ADGRL4: variants seen among roughly 807,000 people sequenced by gnomAD.
ADGRL4 encodes the protein adhesion G protein-coupled receptor L4.
Under a neutral mutation model 74.8 loss-of-function variants are expected in ADGRL4, and 90 were observed. The observed-to-expected ratio is 1.20, with a 90% CI of 1.02 to 1.43. The LOEUF (loss-of-function observed/expected upper bound fraction) is 1.43, where lower values mean the gene tolerates loss of function less well. ADGRL4 is among the 40% of genes most tolerant of loss of function. The pLI is 0.00. For missense variants in ADGRL4, 881 were observed against 814.3 expected (o/e 1.08, Z -1.00); for synonymous variants, 311 against 279.2 (o/e 1.11, Z -1.14).
chr1:78,900,124 A>T (rs1212016475), intron 12 of ADGRL4, among the ~76,000 whole-genome samples: 1 of 152,116 alleles, frequency 6.6e-6, no homozygotes, highest in African/African-American at 2.4e-5. Context: ...GGCTTTGAAG[A>T]TGAATGAGAT....
intron 12 of ADGRL4, 126 bp downstream of exon 12, chr1:78,917,508 G>C: frequency 2.0e-6 from 1 of 492,918 alleles, no homozygotes; most frequent in Non-Finnish European, 3.6e-6. Flanking sequence ...GTAAAATGCT[G>C]ATAAGTGATA....
intron 12 of ADGRL4, among the ~76,000 whole-genome samples, chr1:78,900,810 G>C (rs552149490): frequency 6.6e-4 from 101 of 152,024 alleles, no homozygotes; most frequent in African/African-American, 2.4e-3. Context: ...TAAATTACCC[G>C]GTCTCAGGCA....
At chr1:79,005,737 ATTGT>A (rs1236297651) in intron 1 of ADGRL4, among the ~76,000 whole-genome samples, 2 of 152,128 alleles carry the variant, frequency 1.3e-5, no homozygotes, top group Non-Finnish European at 2.9e-5. Context: ...TGTTCTAATG[ATTGT>A]TTTCAATTTC....
rs1968956 is a variant in ADGRL4 at position 78,893,142 on chromosome 1, G to T, written c.1797C>A (p.His599Gln). Residue 599 changes from histidine to glutamine, a missense_variant, in exon 13 of 15, where the codon CAC becomes CAA. Coordinates refer to ENST00000370742, the MANE Select transcript of ADGRL4 (RefSeq NM_022159.4). ...FGVIIYKVFR[H>Q]TAGLKPEVSC... ...TAACTTCTGGTTTCAACCCTGCAGT[G>T]TGACGAAAAACTTTGTATATGATGA... 53,075 of 1,602,552 alleles carry T rather than the reference G, an allele frequency of 0.033. 1,031 individuals are homozygous for T. Among genetic ancestry groups the T allele is most frequent in the Non-Finnish European group, 0.039 (45,809 of 1,175,000 alleles).
At chr1:78,967,642 G>T (rs562992942) in intron 2 of ADGRL4, among the ~76,000 whole-genome samples, 1 of 152,278 alleles carries the variant, frequency 6.6e-6, no homozygotes, top group Non-Finnish European at 1.5e-5. Flanking sequence ...AATTAATCTT[G>T]TGGAAGAGGT....
Position 78,920,369 on chromosome 1 carries a change from A to G in ADGRL4, c.1275T>C (p.Asn425=), listed in dbSNP as rs1405198494. 1 of 1,588,112 alleles carries G rather than the reference A, an allele frequency of 6.3e-7. No individual in the cohort carries two copies. Among genetic ancestry groups the G allele is most frequent in the African/African-American group, 1.3e-5 (1 of 74,226 alleles). Residue 425 remains asparagine (N), a synonymous_variant, in exon 10 of 15, where the codon AAT becomes AAC. Coordinates refer to ENST00000370742, the MANE Select transcript of ADGRL4 (RefSeq NM_022159.4). ...CTAGTTGAGTGATCCTTGTAAGAAT[A>G]TTATAATCTTTAATACCCTAAGGGA... ...SGPSIGIKDY[N]ILTRITQLGI... is the part of the protein sequence containing the mutation.
At chr1:78,947,490 C>T (rs908036159) in intron 2 of ADGRL4, among the ~76,000 whole-genome samples, 1 of 152,146 alleles carries the variant, frequency 6.6e-6, no homozygotes, top group Non-Finnish European at 1.5e-5. Flanking sequence ...GACGTTTTCA[C>T]GTTTTTGAAG....
At position 78,938,193 on chromosome 1, in the gene ADGRL4, T is replaced by C. The variant is rs760063829; in HGVS notation, c.483A>G (p.Thr161=). 3 of 1,611,664 alleles carry C rather than the reference T, an allele frequency of 1.9e-6. No homozygotes were observed. The highest frequency in any genetic ancestry group is 2.5e-6 in the Non-Finnish European group (3 of 1,178,718). The part of the protein sequence containing the change: ...VTDLSPTDII[T]YIEILAESSS... ...ATGATTCAGCTAATATTTCTATATATGTAATTATATCTGTTGGTGAAAGAT... is the reference window on the plus strand; with the variant it reads ...ATGATTCAGCTAATATTTCTATATACGTAATTATATCTGTTGGTGAAAGAT... The change falls in exon 5 of 15, where the codon ACA becomes ACG. Residue 161 remains threonine, a synonymous_variant. Coordinates refer to ENST00000370742, the MANE Select transcript of ADGRL4 (RefSeq NM_022159.4).
At chr1:78,993,488 A>G (rs1249589557) in intron 2 of ADGRL4, among the ~76,000 whole-genome samples, 6 of 152,220 alleles carry the variant, frequency 3.9e-5, no homozygotes, top group Non-Finnish European at 8.8e-5. Context: ...AGCATTATGA[A>G]TAACACATGG....
intron 2 of ADGRL4, among the ~76,000 whole-genome samples, chr1:78,954,926 A>T (rs1489191251): frequency 6.6e-6 from 1 of 152,134 alleles, no homozygotes; most frequent in African/African-American, 2.4e-5. Context: ...TAGAGACCAA[A>T]AATGTAATTA....
chr1:78,966,937 T>C (rs1238427094), intron 2 of ADGRL4, among the ~76,000 whole-genome samples: 2 of 151,606 alleles, frequency 1.3e-5, no homozygotes, highest in East Asian at 3.9e-4. Flanking sequence ...TCCCTGTTTA[T>C]ATTCTTTAAA....
intron 2 of ADGRL4, among the ~76,000 whole-genome samples, chr1:78,992,626 G>A (rs906814594): frequency 6.6e-6 from 1 of 152,030 alleles, no homozygotes; most frequent in Non-Finnish European, 1.5e-5. Flanking sequence ...AATAATTTAA[G>A]GTTGGTGCTT....
chr1:78,985,493 A>G (rs944126440), intron 2 of ADGRL4, among the ~76,000 whole-genome samples: 3 of 151,844 alleles, frequency 2.0e-5, no homozygotes, highest in African/African-American at 7.2e-5. Flanking sequence ...TAAGAATAGT[A>G]TGTTAATTTC....
chr1:78,908,745 A>G lies in ADGRL4; in HGVS notation c.1749+8889T>C, dbSNP rs150100346. ...ATTTATAAGGAAATACTAGCGATGA[A>G]TCTCATCTTAACCAGTTATTTCCAA... On this transcript the variant is annotated intron_variant, in intron 12 of 14. Coordinates refer to ENST00000370742, the MANE Select transcript of ADGRL4 (RefSeq NM_022159.4). 8.5e-5 allele frequency among the ~76,000 whole-genome samples: 13 copies of G among 152,102 alleles called. No individual in the cohort carries two copies. In the East Asian group the frequency reaches 2.5e-3, roughly 29 times the overall value.
At chr1:78,917,009 G>T (rs1648885569) in intron 12 of ADGRL4, among the ~76,000 whole-genome samples, 1 of 151,778 alleles carries the variant, frequency 6.6e-6, no homozygotes. Flanking sequence ...GAATTAAAAG[G>T]CCCTCTTCCA....
intron 2 of ADGRL4, among the ~76,000 whole-genome samples, chr1:78,958,669 G>A (rs1649881676): frequency 6.6e-6 from 1 of 152,098 alleles, no homozygotes; most frequent in South Asian, 2.1e-4. Flanking sequence ...ATCTATTTCT[G>A]GTGAAAATGC....
At position 78,917,990 on chromosome 1, in the gene ADGRL4, T is replaced by A. The variant is rs1242180019; in HGVS notation, c.1522A>T (p.Met508Leu). ...HYFFLAAFAW[M>L]CIEGIHLYLI... is the part of the protein sequence containing the mutation. ...TAGAGATGTATGCCTTCAATGCACA[T>A]CCATGCAAAAGCAGCTAAAAAGAAG... The change falls in exon 11 of 15, where the codon ATG becomes TTG. Residue 508 changes from methionine (M) to leucine (L), a missense_variant. Met to Leu is a conservative substitution (Grantham distance 15, BLOSUM62 2). Coordinates refer to ENST00000370742, the MANE Select transcript of ADGRL4 (RefSeq NM_022159.4). 2.5e-6 allele frequency: 4 copies of A among 1,611,716 alleles called. No individual in the cohort carries two copies. The highest frequency in any genetic ancestry group is 3.4e-6 in the Non-Finnish European group (4 of 1,178,956).
intron 2 of ADGRL4, among the ~76,000 whole-genome samples, chr1:78,975,138 C>A (rs1158831120): frequency 6.6e-6 from 1 of 152,048 alleles, no homozygotes. Flanking sequence ...CCTATCTAGT[C>A]ATAAATTAGA....
At chr1:78,972,111 CCATA>C (rs1650182557) in intron 2 of ADGRL4, among the ~76,000 whole-genome samples, 2 of 152,228 alleles carry the variant, frequency 1.3e-5, no homozygotes, top group South Asian at 4.2e-4. Flanking sequence ...CATGTAGATG[CCATA>C]CAAATAGTAT....
Sources: gnomAD v4.1 joint callset for allele counts (sites outside exome capture counted in the v4.1 genomes callset) on GRCh38, gnomAD v4.1.1 for gene constraint, MANE v1.5 for transcripts, NCBI Gene and HGNC (gene_info 2026-07-23, HGNC 2026-07-21) for gene names.